MECOM: variants seen among roughly 807,000 people sequenced by gnomAD.
MECOM encodes the protein MDS1 and EVI1 complex locus.
In MECOM, 13 loss-of-function variants were observed where a neutral mutation model predicts 116.3. The observed-to-expected ratio is 0.11, with a 90% CI of 0.07 to 0.18. MECOM has a LOEUF of 0.18. Ranked by LOEUF, MECOM falls within the 10% of genes least tolerant of loss-of-function variation. MECOM has a pLI of 1.00. For missense variants in MECOM, 1,299 were observed against 1,509.0 expected, an observed-to-expected ratio of 0.86 and a Z score of 2.31; for synonymous variants, 528 against 535.2, an observed-to-expected ratio of 0.99 and a Z score of 0.19.
At chr3:169,381,578 T>C in intron 1 of MECOM, 54 bp from the exon 2 acceptor site, 1 of 1,352,488 alleles carries the variant, frequency 7.4e-7, no homozygotes, top group Non-Finnish European at 9.9e-7. Flanking sequence ...GAGACAAAAT[T>C]CCACAGGGGT....
At chr3:169,512,332 G>T (rs1329042017) in intron 1 of MECOM, among the ~76,000 whole-genome samples, 2 of 152,088 alleles carry the variant, frequency 1.3e-5, no homozygotes, top group Non-Finnish European at 2.9e-5. Context: ...CCAGATTTTT[G>T]ATTTCTTGCC....
At chr3:169,357,922 C>T (rs1262746975) in intron 2 of MECOM, among the ~76,000 whole-genome samples, 3 of 151,640 alleles carry the variant, frequency 2.0e-5, no homozygotes, top group Non-Finnish European at 4.4e-5. Flanking sequence ...GGTAGACACA[C>T]CACACACACT....
At chr3:169,206,290 A>G (rs1400802415) in intron 2 of MECOM, among the ~76,000 whole-genome samples, 1 of 152,188 alleles carries the variant, frequency 6.6e-6, no homozygotes, top group Non-Finnish European at 1.5e-5. Flanking sequence ...AAGTTGAAAG[A>G]TCTAATAATC....
intron 3 of MECOM, among the ~76,000 whole-genome samples, chr3:169,137,852 A>G (rs1188571903): frequency 6.6e-6 from 1 of 152,046 alleles, no homozygotes; most frequent in Non-Finnish European, 1.5e-5. Context: ...TTATACACGA[A>G]GCTTACAGTG....
At chr3:169,586,367 C>G (rs1450714260) in intron 1 of MECOM, among the ~76,000 whole-genome samples, 1 of 152,156 alleles carries the variant, frequency 6.6e-6, no homozygotes, top group Non-Finnish European at 1.5e-5. Context: ...AGTTTGCTGT[C>G]TAGTTAGCAT....
intron 1 of MECOM, among the ~76,000 whole-genome samples, chr3:169,643,229 C>T (rs964813014): frequency 2.0e-5 from 3 of 152,172 alleles, no homozygotes; most frequent in Admixed American, 2.0e-4. Context: ...ATTCAAATAA[C>T]ATTGCATATT....
intron 1 of MECOM, among the ~76,000 whole-genome samples, chr3:169,596,449 T>C (rs1200026224): frequency 6.6e-6 from 1 of 152,218 alleles, no homozygotes; most frequent in Non-Finnish European, 1.5e-5. Flanking sequence ...TAGACCACCA[T>C]ATAATTGCAT....
intron 9 of MECOM, 96 bp from the exon 10 acceptor site, chr3:169,108,048 A>C: frequency 4.8e-6 from 5 of 1,042,768 alleles, no homozygotes; most frequent in Non-Finnish European, 7.2e-6. Context: ...GTACTAACTT[A>C]GTAATTTTTG....
At chr3:169,542,320 T>G (rs1760172242) in intron 1 of MECOM, among the ~76,000 whole-genome samples, 1 of 144,238 alleles carries the variant, frequency 6.9e-6, no homozygotes, top group Non-Finnish European at 1.5e-5. Flanking sequence ...TTGTTTTGTC[T>G]TCTAGAAAAA....
intron 1 of MECOM, among the ~76,000 whole-genome samples, chr3:169,606,478 T>TTGG (rs1022304581): frequency 2.6e-5 from 4 of 152,018 alleles, no homozygotes; most frequent in African/African-American, 4.8e-5. Flanking sequence ...GATAAACGTG[T>TTGG]TGGTGTGCTT....
rs201013637 is a variant in MECOM, at chr3:169,421,680, GT to G, written c.38-40157del. Among the ~76,000 whole-genome samples the G allele has an allele frequency of 5.3e-4, 78 of 146,646 alleles. 3 individuals carry two copies. The South Asian group carries it at 0.015, about 29-fold the overall frequency. On this transcript the variant is annotated intron_variant, in intron 1 of 16. Coordinates refer to ENST00000651503, the MANE Select transcript of MECOM (RefSeq NM_004991.4). ...CAAACCAATCACTTATAGCATGTTTGTTTTTTTAAAAAAAAAAAACAAAACG... is the reference window on the plus strand; with the variant it reads ...CAAACCAATCACTTATAGCATGTTTGTTTTTTAAAAAAAAAAAACAAAACG...
chr3:169,403,036 T>A (rs1235679061), intron 1 of MECOM, among the ~76,000 whole-genome samples: 1 of 152,234 alleles, frequency 6.6e-6, no homozygotes, highest in Admixed American at 6.5e-5. Flanking sequence ...TGGCTTAATG[T>A]CAAGAAAAGT....
At chr3:169,506,356 C>T (rs564516810) in intron 1 of MECOM, among the ~76,000 whole-genome samples, 2 of 152,218 alleles carry the variant, frequency 1.3e-5, no homozygotes, top group South Asian at 4.2e-4. Flanking sequence ...CCGCTGGTGC[C>T]GTGGGGACTA....
intron 1 of MECOM, among the ~76,000 whole-genome samples, chr3:169,484,956 C>T (rs150567740): frequency 1.8e-4 from 27 of 152,128 alleles, no homozygotes; most frequent in African/African-American, 6.0e-4. Context: ...GCACCTTTCC[C>T]GAAGTACTGC....
At chr3:169,451,471 T>C (rs1578137888) in intron 1 of MECOM, among the ~76,000 whole-genome samples, 1 of 152,174 alleles carries the variant, frequency 6.6e-6, no homozygotes, top group Non-Finnish European at 1.5e-5. Context: ...GCTTGGCTGT[T>C]GGGTTTTTGG....
intron 2 of MECOM, among the ~76,000 whole-genome samples, chr3:169,354,057 T>C (rs993936266): frequency 2.0e-5 from 3 of 151,910 alleles, no homozygotes; most frequent in Admixed American, 6.6e-5. Context: ...ACAAACCTGC[T>C]TATAGTTATT....
chr3:169,355,988 A>C (rs567479014), intron 2 of MECOM, among the ~76,000 whole-genome samples: 2 of 152,020 alleles, frequency 1.3e-5, no homozygotes, highest in South Asian at 2.1e-4. Context: ...GAGTAAAAGC[A>C]AAGGTCTTAG....
rs1159824569 is a variant in MECOM at position 169,112,839 on chromosome 3, G to C, written c.2525C>G (p.Ala842Gly). The part of the protein sequence containing the change: ...EKRKLTDPLE[A>G]LKEKYLRPSP... ...AGGCCTCAAGTATTTCTCTTTTAAA[G>C]CTTCAAGTGGGTCAGTTAGTTTTCT... is the stretch of plus-strand genomic sequence containing the variant. The change falls in exon 9 of 17, where the codon GCT becomes GGT. Residue 842 changes from alanine (A) to glycine (G), a missense_variant. Physicochemically the swap from Ala to Gly is moderately conservative, Grantham distance 60. Transcript: ENST00000651503. The C allele has an allele frequency of 6.2e-7, 1 of 1,612,904 alleles. No homozygotes were observed. Among genetic ancestry groups the C allele is most frequent in the Non-Finnish European group, 8.5e-7 (1 of 1,179,368 alleles).
chr3:169,439,569 T>C (rs1158868397), intron 1 of MECOM, among the ~76,000 whole-genome samples: 1 of 152,104 alleles, frequency 6.6e-6, no homozygotes, highest in East Asian at 1.9e-4. Flanking sequence ...TTACATCTCC[T>C]AGATGGGCAA....
Sources: allele counts gnomAD v4.1 joint callset (sites outside exome capture counted in the v4.1 genomes callset), GRCh38; gene constraint gnomAD v4.1.1; transcripts MANE v1.5; gene names NCBI Gene and HGNC (gene_info 2026-07-23, HGNC 2026-07-21).